Variants in LRIG1 observed in about 807,000 individuals in gnomAD.
The protein encoded by LRIG1 is leucine-rich repeats and immunoglobulin-like domains protein 1.
In LRIG1, 48 loss-of-function variants were observed where a neutral mutation model predicts 99.2. That is an observed-to-expected ratio of 0.48 (90% CI 0.38 to 0.62). The LOEUF (loss-of-function observed/expected upper bound fraction) is 0.62. Ranked by LOEUF, LRIG1 falls within the 20% of genes least tolerant of loss-of-function variation. The pLI, the probability that LRIG1 is intolerant of heterozygous loss-of-function variation, is 0.00. For missense variants in LRIG1, 1,646 were observed against 1,434.4 expected (o/e 1.15, Z -2.38); for synonymous variants, 772 against 596.1 (o/e 1.29, Z -4.30).
intron 8 of LRIG1, 109 bp downstream of exon 8, chr3:66,407,239 A>G (rs1702301041): frequency 2.5e-6 from 3 of 1,198,834 alleles, no homozygotes; most frequent in Non-Finnish European, 3.6e-6. Flanking sequence ...CTTTGGATCC[A>G]ATTCTGACTC....
chr3:66,455,796 T>C (rs1314933642), intron 2 of LRIG1, among the ~76,000 whole-genome samples: 3 of 152,180 alleles, frequency 2.0e-5, no homozygotes, highest in Non-Finnish European at 4.4e-5. Context: ...TACTAACTAA[T>C]TGATGTGGTG....
chr3:66,383,118 G>A lies in LRIG1; in HGVS notation c.2355C>T (p.Gly785=). 3 of 1,614,242 alleles carry A rather than the reference G, an allele frequency of 1.9e-6. No homozygotes were observed. Among genetic ancestry groups the A allele is most frequent in the Non-Finnish European group, 2.5e-6 (3 of 1,180,046 alleles). Residue 785 remains glycine (G), a synonymous_variant, in exon 15 of 19, where the codon GGC becomes GGT. Transcript: ENST00000273261. ...CTACCGTGGTCCCATCCTTCCTGCA[G>A]CCTGCTGCGGGCAGGACGCTCAGCT... ...HSQLSVLPAA[G]CRKDGTTVGI...
chr3:66,492,116 C>T (rs528996031), intron 1 of LRIG1, among the ~76,000 whole-genome samples: 31 of 152,330 alleles, frequency 2.0e-4, no homozygotes, highest in African/African-American at 7.2e-4. Flanking sequence ...GCCCAAAGTG[C>T]TAATGCTTGA....
Position 66,406,484 on chromosome 3 carries a change from T to C in LRIG1, c.1079+864A>G, listed in dbSNP as rs7630523. The stretch of plus-strand genomic sequence containing the variant: ...CTCTTTCACACTCCCTGGCAATGGC[T>C]CCACATTAAAGCCGGCTCTGCCAGG... On this transcript the variant is annotated intron_variant, in intron 8 of 18. Coordinates refer to ENST00000273261, the MANE Select transcript of LRIG1 (RefSeq NM_015541.3). The C allele has an allele frequency of 4.0e-3, 3,767 of 936,040 alleles. 121 individuals carry two copies. The African/African-American group carries it at 0.061, about 15-fold the overall frequency. The allele number at this position is 936,040 out of a possible 1,614,324, so 58.0% of individuals were successfully genotyped here. A position where few individuals can be genotyped will look rare whatever the true frequency, so the allele number is the denominator to read the frequency against.
rs61753419 is a variant in LRIG1 at position 66,386,156 on chromosome 3, G to A, written c.1614C>T (p.Thr538=). The change falls in exon 13 of 19, where the codon ACC becomes ACT. Residue 538 remains threonine, a synonymous_variant. Coordinates refer to ENST00000273261, the MANE Select transcript of LRIG1 (RefSeq NM_015541.3). ...FAWKKDNEVL[T]NADMENFVHV... ...GGACAAAGTTCTCCATGTCTGCATT[G>A]GTCAGGACTTCATTGTCTTTCTTCC... 6.3e-4 allele frequency: 1,010 copies of A among 1,614,126 alleles called. 4 individuals are homozygous for A. The African/African-American group carries it at 9.9e-3, about 16-fold the overall frequency.
At chr3:66,410,429 G>T (rs1376161446) in intron 6 of LRIG1, among the ~76,000 whole-genome samples, 157 bp from the exon 7 acceptor site, 1 of 152,254 alleles carries the variant, frequency 6.6e-6, no homozygotes, top group Non-Finnish European at 1.5e-5. Flanking sequence ...ACATGTGCAT[G>T]TGAGTAGGGG....
At chr3:66,404,244 T>G in intron 9 of LRIG1, 1 of 1,289,214 alleles carries the variant, frequency 7.8e-7, no homozygotes, top group Non-Finnish European at 1.0e-6. Context: ...CCACAGGCTC[T>G]CCTCTATCAT....
chr3:66,427,181 C>A (rs1703010492), intron 3 of LRIG1, among the ~76,000 whole-genome samples: 2 of 152,246 alleles, frequency 1.3e-5, no homozygotes, highest in Admixed American at 6.5e-5. Context: ...CATGGTGCTG[C>A]ACTGGAATTC....
At chr3:66,426,531 C>G (rs1480085021) in intron 3 of LRIG1, among the ~76,000 whole-genome samples, 2 of 152,226 alleles carry the variant, frequency 1.3e-5, no homozygotes, top group Non-Finnish European at 2.9e-5. Flanking sequence ...TACCTCTTAA[C>G]TGCAGAGAGA....
chr3:66,488,510 G>A lies in LRIG1; in HGVS notation c.218+11680C>T, dbSNP rs928522012. On this transcript the variant is annotated intron_variant, in intron 1 of 18. Transcript: ENST00000273261. ...AAATTAGCCTGGCTTGGTGGCAGGC[G>A]CCTGTAATCCCAGCTCTTTGGGAGG... 2.6e-5 allele frequency among the ~76,000 whole-genome samples: 4 copies of A among 151,250 alleles called. No individual in the cohort carries two copies. In the South Asian group the frequency reaches 6.3e-4, roughly 24 times the overall value.
Position 66,386,056 on chromosome 3 carries a change from C to T in LRIG1, c.1714G>A (p.Glu572Lys), listed in dbSNP as rs569805515. 35 of 1,614,186 alleles carry T rather than the reference C, an allele frequency of 2.2e-5. 1 individual carries two copies. Among genetic ancestry groups the T allele is most frequent in the African/African-American group, 1.1e-4 (8 of 75,046 alleles). The change falls in exon 13 of 19, where the codon GAG (glutamate) becomes AAG (lysine). Residue 572 changes from glutamate to lysine, a missense_variant. Transcript: ENST00000273261. ...GTGATGACACATTGGTAGCGGCCCTCGTGCCCGAAAGTGACCTGACGGAGG... is the reference window on the plus strand; with the variant it reads ...GTGATGACACATTGGTAGCGGCCCTTGTGCCCGAAAGTGACCTGACGGAGG... ...LHLRQVTFGH[E>K]GRYQCVITNH...
At chr3:66,403,680 A>C in intron 9 of LRIG1, among the ~76,000 whole-genome samples, 1 of 152,304 alleles carries the variant, frequency 6.6e-6, no homozygotes, top group Non-Finnish European at 1.5e-5. Flanking sequence ...CAGGCGACCC[A>C]GGGCCAGGCA....
chr3:66,454,639 G>A (rs1011561582), intron 2 of LRIG1, among the ~76,000 whole-genome samples: 2 of 152,112 alleles, frequency 1.3e-5, no homozygotes, highest in African/African-American at 4.8e-5. Flanking sequence ...AAGTGCCTCA[G>A]ATGCATCAGA....
At chr3:66,478,738 G>C (rs937465459) in intron 1 of LRIG1, among the ~76,000 whole-genome samples, 1 of 152,106 alleles carries the variant, frequency 6.6e-6, no homozygotes, top group Non-Finnish European at 1.5e-5. Context: ...GTACGGGTCA[G>C]CTTTTTTTTC....
intron 3 of LRIG1, among the ~76,000 whole-genome samples, chr3:66,422,660 A>T (rs11712304): frequency 0.48 from 73,515 of 152,014 alleles, 20,947 homozygotes; most frequent in Non-Finnish European, 0.66. Context: ...GAGCCCTCCA[A>T]AGTGCTCCAA....
intron 7 of LRIG1, among the ~76,000 whole-genome samples, chr3:66,409,409 G>A (rs923167398): frequency 3.3e-5 from 5 of 152,158 alleles, no homozygotes; most frequent in African/African-American, 1.2e-4. Flanking sequence ...TCGCTACCCA[G>A]GCGACAGTCT....
In LRIG1 at chr3:66,394,137, G is replaced by A; in HGVS notation, c.1371C>T (p.Gly457=). 5.0e-6 allele frequency: 8 copies of A among 1,611,796 alleles called. No individual in the cohort carries two copies. The highest frequency in any genetic ancestry group is 6.8e-6 in the Non-Finnish European group (8 of 1,179,228). ...QLKWLPPWLI[G]RMLQAFVTAT... is the part of the protein sequence containing the mutation. ...CTGTCACAAAGGCCTGCAGCATCCTGCCAATTAGCCACGGGGGCAGCCACT... is the reference window on the plus strand; with the variant it reads ...CTGTCACAAAGGCCTGCAGCATCCTACCAATTAGCCACGGGGGCAGCCACT... The change falls in exon 12 of 19, where the codon GGC becomes GGT. Residue 457 remains glycine (G), a synonymous_variant. Coordinates refer to ENST00000273261, the MANE Select transcript of LRIG1 (RefSeq NM_015541.3).
In LRIG1 at chr3:66,410,153, C is replaced by G. The variant is rs756519144; in HGVS notation, c.911G>C (p.Ser304Thr). 6.2e-7 allele frequency: 1 copy of G among 1,613,626 alleles called. No individual in the cohort carries two copies. The highest frequency in any genetic ancestry group is 2.2e-5 in the East Asian group (1 of 44,880). The change falls in exon 7 of 19, where the codon AGC becomes ACC. Residue 304 changes from serine to threonine, a missense_variant. Physicochemically the swap from Ser to Thr is moderately conservative, Grantham distance 58. Coordinates refer to ENST00000273261, the MANE Select transcript of LRIG1 (RefSeq NM_015541.3). ...CAACTCATGCAGCTTCTGGCAGAAG[C>G]TCCAGCCCTTGCGGTGAATGCGAGC... Reference protein sequence around the residue: ...SIARIHRKGWSFCQKLHELVL... With the variant: ...SIARIHRKGWTFCQKLHELVL...
At chr3:66,435,035 A>T (rs2106756267) in intron 3 of LRIG1, among the ~76,000 whole-genome samples, 1 of 151,794 alleles carries the variant, frequency 6.6e-6, no homozygotes, top group East Asian at 1.9e-4. Flanking sequence ...AACTGGAAAC[A>T]TTCTAGATGT....
Sources: allele counts gnomAD v4.1 joint callset (sites outside exome capture counted in the v4.1 genomes callset), GRCh38; gene constraint gnomAD v4.1.1; transcripts MANE v1.5; gene names NCBI Gene and HGNC (gene_info 2026-07-23, HGNC 2026-07-21).